SERPINB5: variants seen among roughly 807,000 people sequenced by gnomAD.
SERPINB5 encodes serpin family B member 5.
A neutral mutation model predicts 32.2 loss-of-function variants in SERPINB5; 27 were observed. The ratio of observed to expected loss-of-function variants is 0.84; its 90% confidence interval spans 0.62 to 1.16. The LOEUF is 1.16. SERPINB5 is among the 50% of genes most tolerant of loss of function. The pLI is 0.00. For missense variants in SERPINB5, 388 were observed against 436.3 expected, an observed-to-expected ratio of 0.89 and a Z score of 0.99; for synonymous variants, 154 against 157.4, an observed-to-expected ratio of 0.98 and a Z score of 0.16.
chr18:63,499,248 AC>A lies in SERPINB5; in HGVS notation c.699del (p.Lys234ArgfsTer48). The A allele has an allele frequency of 6.3e-7, 1 of 1,597,664 alleles. No individual in the cohort carries two copies. Among genetic ancestry groups the A allele is most frequent in the Non-Finnish European group, 8.5e-7 (1 of 1,171,476 alleles). On this transcript the variant is annotated frameshift_variant, in exon 6 of 7. Coordinates refer to ENST00000382771, the MANE Select transcript of SERPINB5 (RefSeq NM_002639.5). LOFTEE classifies it high-confidence loss of function. ...AGCATCTCAGCATGTTCATCCTACTACCCAAGGATGTGGAGGATGAGTCCAC... is the reference window on the plus strand; with the variant it reads ...AGCATCTCAGCATGTTCATCCTACTACCAAGGATGTGGAGGATGAGTCCAC... ...NKHLSMFILL[P>X]KDVEDESTGL...
rs1249461244 is a variant in SERPINB5, at chr18:63,498,487, A to G, written c.568-633A>G. Among the ~76,000 whole-genome samples the G allele has an allele frequency of 1.3e-5, 2 of 152,214 alleles. No homozygotes were observed. Among genetic ancestry groups the G allele is most frequent in the Non-Finnish European group, 2.9e-5 (2 of 68,040 alleles). ...ACCAGGAATAGTTTAAAGATCTCAT[A>G]GGCATCTGTAAAGAATAACAAACGT... On this transcript the variant is annotated intron_variant, in intron 5 of 6. Coordinates refer to ENST00000382771, the MANE Select transcript of SERPINB5 (RefSeq NM_002639.5). The surrounding 1 kb of genome is among the most constrained non-coding windows in gnomAD (Gnocchi z 4.2).
At chr18:63,484,789 C>T (rs545856206) in intron 2 of SERPINB5, among the ~76,000 whole-genome samples, 193 bp downstream of exon 2, 102 of 133,930 alleles carry the variant, frequency 7.6e-4, no homozygotes, top group African/African-American at 3.0e-3. Context: ...ACTCTGTCAC[C>T]CATGCTGGAG....
intron 4 of SERPINB5, among the ~76,000 whole-genome samples, chr18:63,491,413 A>ACCCCC (rs1568110287): frequency 2.1e-5 from 3 of 145,814 alleles, no homozygotes; most frequent in African/African-American, 8.2e-5. Flanking sequence ...CCAAAAAAAA[A>ACCCCC]AAAAAAAAAA....
At chr18:63,490,109 G>A (rs916988943) in intron 4 of SERPINB5, among the ~76,000 whole-genome samples, 1 of 152,066 alleles carries the variant, frequency 6.6e-6, no homozygotes, top group African/African-American at 2.4e-5. Context: ...GGAGAATGGC[G>A]TGAACCCGGG....
At chr18:63,497,931 A>AGG (rs1909485579) in intron 5 of SERPINB5, among the ~76,000 whole-genome samples, 1 of 152,210 alleles carries the variant, frequency 6.6e-6, no homozygotes, top group African/African-American at 2.4e-5. Context: ...TGGGACTAAA[A>AGG]ACCAAGGTTC....
At chr18:63,497,722 A>T (rs1304068005) in intron 5 of SERPINB5, among the ~76,000 whole-genome samples, 1 of 152,180 alleles carries the variant, frequency 6.6e-6, no homozygotes, top group East Asian at 1.9e-4. Context: ...AGATATTTTA[A>T]AGAAAAAATA....
chr18:63,495,142 G>A (rs1909422833), intron 5 of SERPINB5, among the ~76,000 whole-genome samples: 1 of 152,234 alleles, frequency 6.6e-6, no homozygotes, highest in Non-Finnish European at 1.5e-5. Context: ...CTTCCCAACT[G>A]CAGTGGTCTT....
chr18:63,494,367 T>C (rs1354869049), intron 5 of SERPINB5, among the ~76,000 whole-genome samples: 1 of 151,742 alleles, frequency 6.6e-6, no homozygotes, highest in Non-Finnish European at 1.5e-5. Flanking sequence ...AGTACCTCTT[T>C]TGTAAATGAG....
intron 6 of SERPINB5, among the ~76,000 whole-genome samples, chr18:63,503,035 C>T (rs902961724): frequency 2.6e-5 from 4 of 151,784 alleles, no homozygotes; most frequent in Non-Finnish European, 5.9e-5. Flanking sequence ...AAAACCCAAA[C>T]AAACAAACAA....
Position 63,486,977 on chromosome 18 carries a change from C to G in SERPINB5, c.200C>G (p.Pro67Arg). The G allele has an allele frequency of 6.2e-7, 1 of 1,613,996 alleles. No homozygotes were observed. The highest frequency in any genetic ancestry group is 8.5e-7 in the Non-Finnish European group (1 of 1,179,974). ...CATTTTGAAAATGTCAAAGATGTACCCTTTGGATTTCAAACAGTAACATCG... is the reference window on the plus strand; with the variant it reads ...CATTTTGAAAATGTCAAAGATGTACGCTTTGGATTTCAAACAGTAACATCG... ...VLHFENVKDV[P>R]FGFQTVTSDV... Residue 67 changes from proline to arginine, a missense_variant, in exon 3 of 7, where the codon CCC (proline) becomes CGC (arginine). Pro to Arg is a moderately radical substitution (Grantham distance 103, BLOSUM62 -2). Coordinates refer to ENST00000382771, the MANE Select transcript of SERPINB5 (RefSeq NM_002639.5).
At chr18:63,496,791 T>G (rs1303885548) in intron 5 of SERPINB5, among the ~76,000 whole-genome samples, 1 of 152,220 alleles carries the variant, frequency 6.6e-6, no homozygotes, top group Admixed American at 6.5e-5. Flanking sequence ...CTTTTACAAC[T>G]TAGCGTGAAT....
intron 1 of SERPINB5, among the ~76,000 whole-genome samples, chr18:63,483,639 C>A (rs1377458142): frequency 2.0e-5 from 3 of 152,228 alleles, no homozygotes; most frequent in Non-Finnish European, 4.4e-5. Context: ...GTGTTGCCAG[C>A]AGTTCTTAGC....
intron 1 of SERPINB5, among the ~76,000 whole-genome samples, chr18:63,479,535 A>G (rs1917092552): frequency 6.6e-6 from 1 of 151,964 alleles, no homozygotes; most frequent in Non-Finnish European, 1.5e-5. Context: ...TGTAGGACTC[A>G]CCTTTAATGT....
Position 63,503,894 on chromosome 18 carries a change from T to C in SERPINB5, c.*172T>C. ...TCACACAGATAGACCTTTTTTTTTT[T>C]TCCAATTCTATCTTTTGTTTCCTTT... On this transcript the variant is annotated 3_prime_UTR_variant, in exon 7 of 7. Transcript: ENST00000382771. 3 of 628,294 alleles carry C rather than the reference T, an allele frequency of 4.8e-6. No individual in the cohort carries two copies. The highest frequency in any genetic ancestry group is 8.1e-6 in the Non-Finnish European group (3 of 368,516). The allele number at this position is 628,294 out of a possible 1,614,324, so 38.9% of individuals were successfully genotyped here.
intron 1 of SERPINB5, among the ~76,000 whole-genome samples, chr18:63,482,390 A>G (rs898519951): frequency 6.6e-6 from 1 of 152,180 alleles, no homozygotes; most frequent in African/African-American, 2.4e-5. Flanking sequence ...AAGACCTTCA[A>G]TGTCACATTC....
chr18:63,487,429 C>T (rs1400293488), intron 3 of SERPINB5, among the ~76,000 whole-genome samples: 1 of 152,156 alleles, frequency 6.6e-6, no homozygotes, highest in African/African-American at 2.4e-5. Context: ...GAGTGTAAGA[C>T]AGCTAATGAT....
intron 4 of SERPINB5, 87 bp from the exon 5 acceptor site, chr18:63,492,866 G>A: frequency 6.7e-7 from 1 of 1,501,878 alleles, no homozygotes; most frequent in Non-Finnish European, 9.1e-7. Flanking sequence ...CCATGAAGTG[G>A]TAAATACTCA....
At chr18:63,482,857 A>T (rs1917146393) in intron 1 of SERPINB5, among the ~76,000 whole-genome samples, 1 of 150,504 alleles carries the variant, frequency 6.6e-6, no homozygotes, top group African/African-American at 2.4e-5. Flanking sequence ...TAATATGAAT[A>T]ATATATATAT....
At chr18:63,497,397 G>C in intron 5 of SERPINB5, 1 of 1,195,258 alleles carries the variant, frequency 8.4e-7, no homozygotes. Context: ...TCTTCGCCAT[G>C]TGAAGCTCTG....
Sources: gnomAD v4.1 joint callset for allele counts (sites outside exome capture counted in the v4.1 genomes callset) on GRCh38, gnomAD v4.1.1 for gene constraint, Gnocchi (gnomAD v3.1) non-coding constraint, MANE v1.5 for transcripts, NCBI Gene and HGNC (gene_info 2026-07-23, HGNC 2026-07-21) for gene names.